FCRLB: variants seen among roughly 807,000 people sequenced by gnomAD.
FCRLB encodes Fc receptor-like B.
A neutral mutation model predicts 33.6 loss-of-function variants in FCRLB; 34 were observed. The observed-to-expected ratio is 1.01, with a 90% CI of 0.77 to 1.35. The LOEUF is 1.35. Ranked by LOEUF, FCRLB falls within the 40% of genes most tolerant of loss-of-function variation. FCRLB has a pLI of 0.00. For missense variants in FCRLB, 560 were observed against 580.2 expected, an observed-to-expected ratio of 0.97 and a Z score of 0.36; for synonymous variants, 280 against 255.9, an observed-to-expected ratio of 1.09 and a Z score of -0.90.
chr1:161,727,199 GA>G, intron 7 of FCRLB, 47 bp from the exon 8 acceptor site: 1 of 1,271,860 alleles, frequency 7.9e-7, no homozygotes, highest in Non-Finnish European at 1.0e-6. Context: ...GCCCAGCGCC[GA>G]GAAGAACCAT....
chr1:161,726,400 C>G lies in FCRLB; in HGVS notation c.575-303C>G. Reference sequence around the variant, plus strand: ...GACGAAGGAGCGACTCCCTAGCGTCCTGCAAGGCAGGCGCAGCGTCTCCTA... The same window carrying G: ...GACGAAGGAGCGACTCCCTAGCGTCGTGCAAGGCAGGCGCAGCGTCTCCTA... On this transcript the variant is annotated intron_variant, in intron 6 of 7. Coordinates refer to ENST00000367948, the Ensembl canonical transcript of FCRLB. The surrounding 1 kb of genome is among the most constrained non-coding windows in gnomAD (Gnocchi z 5.2). 1.4e-6 allele frequency: 1 copy of G among 719,380 alleles called. No homozygotes were observed. Among genetic ancestry groups the G allele is most frequent in the Non-Finnish European group, 2.5e-6 (1 of 402,386 alleles). The allele number at this position is 719,380 out of a possible 1,614,324, so 44.6% of individuals were successfully genotyped here.
At chr1:161,723,131 G>A (rs1426821898) in intron 4 of FCRLB, 122 bp downstream of exon 4, 37 of 1,324,296 alleles carry the variant, frequency 2.8e-5, no homozygotes, top group South Asian at 1.2e-4. Flanking sequence ...TCCCACTCTC[G>A]TCAACCCCTG....
chr1:161,727,587 G>C, exon 8 of FCRLB: 1 of 1,614,182 alleles, frequency 6.2e-7, no homozygotes, highest in Non-Finnish European at 8.5e-7. Context: ...GGGAGCTCAG[G>C]GGAACGCCCG....
chr1:161,721,790 A>C (rs1683382986), exon 2 of FCRLB: 1 of 152,186 alleles, frequency 6.6e-6, no homozygotes, highest in Non-Finnish European at 1.5e-5. Context: ...CAAGAAGTAG[A>C]GCCCCGAGGT....
At chr1:161,722,996 C>G (rs1442383095) in exon 4 of FCRLB, 2 of 1,613,872 alleles carry the variant, frequency 1.2e-6, no homozygotes, top group Non-Finnish European at 1.7e-6. Flanking sequence ...CAGTTCCAAG[C>G]AGTGGGCAAG....
At chr1:161,723,316 A>C in intron 4 of FCRLB, 51 bp from the exon 5 acceptor site, 1 of 1,592,608 alleles carries the variant, frequency 6.3e-7, no homozygotes, top group Non-Finnish European at 8.6e-7. Context: ...TGGGCACCTC[A>C]CCTTGATTCT....
intron 5 of FCRLB, among the ~76,000 whole-genome samples, chr1:161,724,444 A>AG (rs1683475590): frequency 6.6e-6 from 1 of 151,686 alleles, no homozygotes; most frequent in Admixed American, 6.6e-5. Flanking sequence ...AAAAAAAAAA[A>AG]AAAATAGCTG....
At chr1:161,723,621 G>A (rs2101674902) in exon 5 of FCRLB, 1 of 1,613,686 alleles carries the variant, frequency 6.2e-7, no homozygotes, top group Non-Finnish European at 8.5e-7. Flanking sequence ...TGTATCCAAT[G>A]GTGAGTGGAC....
At chr1:161,727,922 G>T in exon 8 of FCRLB, 1 of 464,160 alleles carries the variant, frequency 2.2e-6, no homozygotes, top group Non-Finnish European at 3.8e-6. Flanking sequence ...CTTTGGATGT[G>T]AATTTAGTCA....
rs779635636 is a variant in FCRLB, at chr1:161,726,985, C to G, written c.857C>G (p.Pro286Arg). The G allele has an allele frequency of 3.3e-6, 5 of 1,522,160 alleles. No individual in the cohort carries two copies. Among genetic ancestry groups the G allele is most frequent in the Non-Finnish European group, 4.4e-6 (5 of 1,134,934 alleles). 94.3% of individuals were successfully genotyped at this position (1,522,160 alleles called of 1,614,324 possible). ...AAACGCAGTCCGTGGCTGCAGCTCC[C>G]GGGGCCGGGTGAGTGCCTGCACACC... is the stretch of plus-strand genomic sequence containing the variant. Residue 286 changes from proline to arginine, a missense_variant, in exon 7 of 8, where the codon CCG becomes CGG. Pro to Arg is a moderately radical substitution (Grantham distance 103). Transcript: ENST00000367948. This position sits in a 1 kb window ranked among gnomAD's most constrained non-coding sequence, Gnocchi z 5.2.
At chr1:161,725,069 T>C (rs1193141242) in intron 5 of FCRLB, among the ~76,000 whole-genome samples, 1 of 151,876 alleles carries the variant, frequency 6.6e-6, no homozygotes, top group Non-Finnish European at 1.5e-5. Context: ...GAGTGGAAGA[T>C]GAGGAAAGTA....
Position 161,726,610 on chromosome 1 carries a change from T to C in FCRLB, c.575-93T>C, listed in dbSNP as rs1400393584. 6.6e-7 allele frequency: 1 copy of C among 1,505,832 alleles called. No individual in the cohort carries two copies. Among genetic ancestry groups the C allele is most frequent in the Non-Finnish European group, 8.9e-7 (1 of 1,119,634 alleles). 93.3% of individuals were successfully genotyped at this position (1,505,832 alleles called of 1,614,324 possible). A position where few individuals can be genotyped will look rare whatever the true frequency, so the allele number is the denominator to read the frequency against. On this transcript the variant is annotated intron_variant, in intron 6 of 7. Transcript: ENST00000367948. This position sits in a 1 kb window ranked among gnomAD's most constrained non-coding sequence, Gnocchi z 5.2. ...CCTCCTCCCCTCCCCCCTTGGTCTG[T>C]GGGTCTGCAAGGAGCCCTCGCGGGA...
At chr1:161,722,294 G>A (rs2101672803) in intron 2 of FCRLB, among the ~76,000 whole-genome samples, 2 of 152,328 alleles carry the variant, frequency 1.3e-5, no homozygotes, top group East Asian at 3.9e-4. Flanking sequence ...GGTGGAGAAG[G>A]GATGGGATGG....
At chr1:161,727,103 C>A in intron 7 of FCRLB, 110 bp downstream of exon 7, 1 of 1,340,690 alleles carries the variant, frequency 7.5e-7, no homozygotes, top group Non-Finnish European at 9.7e-7. Context: ...CGCCCCCCGC[C>A]TTTCCCATCT....
At chr1:161,722,951 C>G in intron 3 of FCRLB, 38 bp from the exon 4 acceptor site, 1 of 1,611,136 alleles carries the variant, frequency 6.2e-7, no homozygotes, top group Non-Finnish European at 8.5e-7. Context: ...CGCCAATATT[C>G]TCCTTCTCCT....
chr1:161,726,563 C>A lies in FCRLB; in HGVS notation c.575-140C>A. ...CCCCACATTTCAGAAGGCTCCCCTT[C>A]CCCCTCCACGTGGACACACGGCCTC... On this transcript the variant is annotated intron_variant, in intron 6 of 7. Coordinates refer to ENST00000367948, the Ensembl canonical transcript of FCRLB. This position sits in a 1 kb window ranked among gnomAD's most constrained non-coding sequence, Gnocchi z 5.2. The A allele has an allele frequency of 8.3e-7, 1 of 1,198,044 alleles. No homozygotes were observed. Among genetic ancestry groups the A allele is most frequent in the Non-Finnish European group, 1.2e-6 (1 of 839,038 alleles). The allele number at this position is 1,198,044 out of a possible 1,614,324, so 74.2% of individuals were successfully genotyped here.
At chr1:161,725,931 G>C in exon 6 of FCRLB, 1 of 1,614,246 alleles carries the variant, frequency 6.2e-7, no homozygotes, top group South Asian at 1.1e-5. Flanking sequence ...CTACTACCAC[G>C]ACGGCCAGGC....
chr1:161,725,269 T>A lies in FCRLB; in HGVS notation c.308-552T>A, dbSNP rs181818282. 7.9e-5 allele frequency among the ~76,000 whole-genome samples: 12 copies of A among 152,294 alleles called. No individual in the cohort carries two copies. The East Asian group carries it at 2.3e-3, about 29-fold the overall frequency. ...GTGAAAGACCAGCCATCCCCCTTCCTTCCCACTCACCTACAAATATATCTT... is the reference window on the plus strand; with the variant it reads ...GTGAAAGACCAGCCATCCCCCTTCCATCCCACTCACCTACAAATATATCTT... On this transcript the variant is annotated intron_variant, in intron 5 of 7. Transcript: ENST00000367948.
chr1:161,727,111 T>TCTCC, intron 7 of FCRLB, 118 bp downstream of exon 7: 1 of 772,092 alleles, frequency 1.3e-6, no homozygotes, highest in Non-Finnish European at 1.6e-6. Flanking sequence ...GCCTTTCCCA[T>TCTCC]CTCCCCTTCG....
Sources: gnomAD v4.1 joint callset for allele counts (sites outside exome capture counted in the v4.1 genomes callset) on GRCh38, gnomAD v4.1.1 for gene constraint, Gnocchi (gnomAD v3.1) non-coding constraint, MANE v1.5 for transcripts, NCBI Gene and HGNC (gene_info 2026-07-23, HGNC 2026-07-21) for gene names.